The following PTPRM variants were observed in gnomAD, a reference collection of about 807,000 sequenced individuals.
PTPRM encodes protein tyrosine phosphatase receptor type M.
In PTPRM, 47 loss-of-function variants were observed where a neutral mutation model predicts 186.7. That is an observed-to-expected ratio of 0.25 (90% CI 0.20 to 0.32). PTPRM has a LOEUF of 0.32. PTPRM is among the 10% of genes least tolerant of loss of function. The pLI is 1.00. For missense variants in PTPRM, 1,494 were observed against 1,865.0 expected, an observed-to-expected ratio of 0.80 and a Z score of 3.66; for synonymous variants, 668 against 674.9, an observed-to-expected ratio of 0.99 and a Z score of 0.16.
At chr18:7,658,357 T>TATACATAC (rs532716399) in intron 1 of PTPRM, among the ~76,000 whole-genome samples, 1 of 138,122 alleles carries the variant, frequency 7.2e-6, no homozygotes, top group African/African-American at 2.9e-5. Context: ...TATATATATA[T>TATACATAC]ATACATACAC....
chr18:7,966,654 G>C (rs2054095209), intron 7 of PTPRM, among the ~76,000 whole-genome samples: 1 of 148,588 alleles, frequency 6.7e-6, no homozygotes, highest in Non-Finnish European at 1.5e-5. Context: ...GAAGCGCAAG[G>C]GGTCAGGGAG....
At chr18:7,949,434 G>A (rs1007380456) in intron 6 of PTPRM, 79 bp downstream of exon 6, 25 of 1,237,038 alleles carry the variant, frequency 2.0e-5, no homozygotes, top group Non-Finnish European at 2.8e-5. Context: ...TCCCTTTAAA[G>A]CTCAAACTTA....
chr18:7,788,560 T>A (rs924339685), intron 2 of PTPRM, among the ~76,000 whole-genome samples: 10 of 152,146 alleles, frequency 6.6e-5, no homozygotes, highest in African/African-American at 2.4e-4. Context: ...TCATATATAT[T>A]GTAATGATGA....
chr18:8,048,614 A>G (rs563605377), intron 7 of PTPRM, among the ~76,000 whole-genome samples: 102 of 152,272 alleles, frequency 6.7e-4, no homozygotes, highest in East Asian at 5.8e-4. Context: ...TAGTGAAAAC[A>G]CAGAAGAATA....
chr18:7,752,492 C>T (rs1598510096), intron 1 of PTPRM, among the ~76,000 whole-genome samples: 1 of 152,124 alleles, frequency 6.6e-6, no homozygotes, highest in Non-Finnish European at 1.5e-5. Flanking sequence ...GGCGTGATCT[C>T]GGCTCACTGC....
chr18:7,658,363 T>C (rs202020773), intron 1 of PTPRM, among the ~76,000 whole-genome samples: 38 of 142,090 alleles, frequency 2.7e-4, no homozygotes, highest in African/African-American at 8.4e-4. Context: ...TATATATACA[T>C]ACACACACAC....
intron 2 of PTPRM, among the ~76,000 whole-genome samples, chr18:7,807,161 C>T (rs1347950566): frequency 2.0e-5 from 3 of 152,260 alleles, no homozygotes; most frequent in East Asian, 1.9e-4. Flanking sequence ...CGCTTTTTCA[C>T]GGATTTCAGT....
chr18:7,618,877 G>C (rs1239616330), intron 1 of PTPRM, among the ~76,000 whole-genome samples: 2 of 152,214 alleles, frequency 1.3e-5, no homozygotes, highest in African/African-American at 4.8e-5. Context: ...TTGAAATGCA[G>C]CAAAGCAAAT....
Position 8,321,316 on chromosome 18 carries a change from C to T in PTPRM, c.2956+2102C>T, listed in dbSNP as rs986299894. 1.4e-4 allele frequency among the ~76,000 whole-genome samples: 22 copies of T among 151,908 alleles called. 1 individual carries two copies. The highest frequency in any genetic ancestry group is 4.8e-5 in the African/African-American group (2 of 41,328). On this transcript the variant is annotated intron_variant, in intron 22 of 32. Transcript: ENST00000580170. ...TTATTTGTATTTTCAATATTGAGGC[C>T]CTCTAGATTAAGGTGACTAAACGAA...
intron 7 of PTPRM, among the ~76,000 whole-genome samples, chr18:7,987,572 C>T (rs2083032174): frequency 6.6e-6 from 1 of 152,036 alleles, no homozygotes; most frequent in African/African-American, 2.4e-5. Context: ...CTGTTATTCT[C>T]ACAGGGATAA....
chr18:8,035,709 A>C (rs2086281335), intron 7 of PTPRM, among the ~76,000 whole-genome samples: 1 of 152,162 alleles, frequency 6.6e-6, no homozygotes, highest in Non-Finnish European at 1.5e-5. Context: ...AAAAGAAATA[A>C]ACACAAACTG....
At chr18:7,705,843 T>C (rs1173327469) in intron 1 of PTPRM, among the ~76,000 whole-genome samples, 9 of 151,508 alleles carry the variant, frequency 5.9e-5, no homozygotes, top group Non-Finnish European at 1.3e-4. Context: ...ACAAGTGCTT[T>C]CTCTAAGATG....
At chr18:8,290,716 C>T (rs2095033602) in intron 19 of PTPRM, among the ~76,000 whole-genome samples, 1 of 152,102 alleles carries the variant, frequency 6.6e-6, no homozygotes, top group Admixed American at 6.5e-5. Flanking sequence ...ACTTATTACT[C>T]TTTCAGAGTG....
intron 20 of PTPRM, among the ~76,000 whole-genome samples, chr18:8,307,257 T>C (rs1419903532): frequency 6.6e-6 from 1 of 152,184 alleles, no homozygotes; most frequent in African/African-American, 2.4e-5. Flanking sequence ...AGGGATTAAC[T>C]TGAGAAGTGC....
intron 7 of PTPRM, among the ~76,000 whole-genome samples, chr18:7,963,053 T>C (rs893125947): frequency 1.3e-5 from 2 of 152,284 alleles, no homozygotes; most frequent in Non-Finnish European, 2.9e-5. Flanking sequence ...CAGGGCAACA[T>C]GTTTTAATGA....
intron 7 of PTPRM, among the ~76,000 whole-genome samples, chr18:8,061,342 A>G (rs1171788773): frequency 7.3e-6 from 1 of 136,080 alleles, no homozygotes; most frequent in African/African-American, 2.9e-5. Context: ...TTTTGAGCCT[A>G]TGTGTGTCTC....
In PTPRM at chr18:7,925,609, G is replaced by A. The variant is rs145334597; in HGVS notation, c.548-959G>A. ...GAAAAGCTGGCAAGGCGTGACAGAT[G>A]CATTCTGGTTATTATCCAGATTTAT... is the stretch of plus-strand genomic sequence containing the variant. On this transcript the variant is annotated intron_variant, in intron 4 of 32. Transcript: ENST00000580170. Among the ~76,000 whole-genome samples the A allele has an allele frequency of 4.4e-4, 67 of 152,232 alleles. No homozygotes were observed. In the East Asian group the frequency reaches 0.012, roughly 26 times the overall value.
At chr18:8,072,486 A>T (rs1419746143) in intron 8 of PTPRM, among the ~76,000 whole-genome samples, 11 of 152,162 alleles carry the variant, frequency 7.2e-5, no homozygotes, top group Admixed American at 1.3e-4. Flanking sequence ...AATTAGAAAA[A>T]ACTTTAATTT....
chr18:8,361,767 G>A (rs2095598508), intron 23 of PTPRM, among the ~76,000 whole-genome samples: 1 of 152,214 alleles, frequency 6.6e-6, no homozygotes. Context: ...GAGCTAGATT[G>A]GAACACAGCT....
Sources: gnomAD v4.1 joint callset for allele counts (sites outside exome capture counted in the v4.1 genomes callset) on GRCh38, gnomAD v4.1.1 for gene constraint, MANE v1.5 for transcripts, NCBI Gene and HGNC (gene_info 2026-07-23, HGNC 2026-07-21) for gene names.